Variants in NT5C2 observed in about 807,000 individuals in gnomAD.
The protein encoded by NT5C2 is cytosolic purine 5'-nucleotidase.
Under a neutral mutation model 76.1 loss-of-function variants are expected in NT5C2, and 58 were observed. That is an observed-to-expected ratio of 0.76 (90% CI 0.62 to 0.95). The LOEUF is 0.95. NT5C2 is among the 40% of genes least tolerant of loss of function. The pLI, the probability that NT5C2 is intolerant of heterozygous loss-of-function variation, is 0.00. For missense variants in NT5C2, 478 were observed against 690.3 expected (o/e 0.69, Z 3.45); for synonymous variants, 229 against 237.4 (o/e 0.96, Z 0.32).
chr10:103,127,889 G>T (rs1037693764), intron 4 of NT5C2, among the ~76,000 whole-genome samples: 1 of 151,660 alleles, frequency 6.6e-6, no homozygotes, highest in African/African-American at 2.4e-5. Flanking sequence ...TTTTGGTAGA[G>T]ATGGGGTTTT....
intron 2 of NT5C2, chr10:103,175,453 G>A (rs1290884575): frequency 6.2e-6 from 1 of 160,430 alleles, no homozygotes; most frequent in Non-Finnish European, 1.4e-5. Flanking sequence ...ATTCCCGTAA[G>A]ACGCCAGCCC....
chr10:103,158,340 T>C (rs530825049), intron 3 of NT5C2, among the ~76,000 whole-genome samples: 38 of 151,468 alleles, frequency 2.5e-4, no homozygotes, highest in African/African-American at 9.2e-4. Context: ...AAGAACAAAA[T>C]CAACCCAAAT....
In NT5C2 at chr10:103,105,727, T is replaced by C. The variant is rs1311918940; in HGVS notation, c.368A>G (p.His123Arg). ...TCACCCCCTTATAAAGTTAAATCCATGTGCACAGACCAAGAGGTTTCCATA... is the reference window on the plus strand; with the variant it reads ...TCACCCCCTTATAAAGTTAAATCCACGTGCACAGACCAAGAGGTTTCCATA... ...DAYGNLLVCA[H>R]GFNFIRGPET... The change falls in exon 6 of 19, where the codon CAT (histidine) becomes CGT (arginine). Residue 123 changes from histidine to arginine, a missense_variant. By Grantham distance (29) the His-to-Arg change is conservative. Coordinates refer to ENST00000404739, the MANE Select transcript of NT5C2 (RefSeq NM_001351169.2). 13 of 1,612,788 alleles carry C rather than the reference T, an allele frequency of 8.1e-6. No individual in the cohort carries two copies. In the East Asian group the frequency reaches 2.5e-4, roughly 30 times the overall value.
chr10:103,098,798 A>T (rs2068827160), intron 10 of NT5C2, 133 bp downstream of exon 10: 1 of 659,372 alleles, frequency 1.5e-6, no homozygotes, highest in Non-Finnish European at 2.6e-6. Context: ...ATTCTTGGTG[A>T]TTATACCCGA....
At chr10:103,123,006 C>T (rs2075977178) in intron 4 of NT5C2, among the ~76,000 whole-genome samples, 1 of 152,188 alleles carries the variant, frequency 6.6e-6, no homozygotes, top group Non-Finnish European at 1.5e-5. Context: ...GTATGCTTTT[C>T]TCTCACTAAT....
intron 4 of NT5C2, among the ~76,000 whole-genome samples, chr10:103,116,611 C>G (rs2074413765): frequency 7.4e-6 from 1 of 134,392 alleles, no homozygotes; most frequent in South Asian, 2.3e-4. Context: ...GCTCTGCCAT[C>G]CTGGCTGGAA....
rs377475357 is a variant in NT5C2, at chr10:103,094,754, C to T, written c.814-299G>A. Among the ~76,000 whole-genome samples, 9 of 151,904 alleles carry T rather than the reference C, an allele frequency of 5.9e-5. No individual in the cohort carries two copies. The South Asian group carries it at 1.7e-3, about 28-fold the overall frequency. ...AAAATTAGCCGGGCGTGGTGGCGGG[C>T]GCCTGTAGTCCCAGCTACTTGGGAG... On this transcript the variant is annotated intron_variant, in intron 12 of 18. Coordinates refer to ENST00000404739, the MANE Select transcript of NT5C2 (RefSeq NM_001351169.2).
intron 2 of NT5C2, among the ~76,000 whole-genome samples, chr10:103,180,267 G>A (rs536556862): frequency 5.3e-4 from 80 of 152,318 alleles, no homozygotes; most frequent in Middle Eastern, 6.8e-3. Context: ...TGTTGAGAAT[G>A]TAGAGCAACC....
At chr10:103,169,748 A>AGAG (rs1347960784) in intron 3 of NT5C2, among the ~76,000 whole-genome samples, 1 of 152,100 alleles carries the variant, frequency 6.6e-6, no homozygotes, top group Non-Finnish European at 1.5e-5. Flanking sequence ...TTGGAGGCCG[A>AGAG]GGCAGGAGGA....
At chr10:103,129,354 G>A (rs2077470206) in intron 4 of NT5C2, among the ~76,000 whole-genome samples, 3 of 118,776 alleles carry the variant, frequency 2.5e-5, no homozygotes, top group Admixed American at 7.7e-5. Context: ...AGGTGGGGGG[G>A]TCAGCTCTCC....
intron 3 of NT5C2, among the ~76,000 whole-genome samples, chr10:103,150,976 CT>C (rs1316518408): frequency 2.6e-5 from 4 of 152,184 alleles, no homozygotes; most frequent in Non-Finnish European, 5.9e-5. Context: ...TGAAGCCCAA[CT>C]TATCAGTTTT....
At chr10:103,124,399 A>G (rs1348077536) in intron 4 of NT5C2, among the ~76,000 whole-genome samples, 1 of 152,242 alleles carries the variant, frequency 6.6e-6, no homozygotes, top group Non-Finnish European at 1.5e-5. Context: ...AGAAAAGAGC[A>G]TTAAATATTC....
At chr10:103,090,452 C>G (rs1437388751) in intron 18 of NT5C2, among the ~76,000 whole-genome samples, 159 bp downstream of exon 18, 1 of 152,230 alleles carries the variant, frequency 6.6e-6, no homozygotes, top group Non-Finnish European at 1.5e-5. Flanking sequence ...GTTGGTTCTA[C>G]TTTCTCAAAG....
Position 103,188,712 on chromosome 10 carries a change from C to T in NT5C2, c.-169+4524G>A, listed in dbSNP as rs554790726. Among the ~76,000 whole-genome samples the T allele has an allele frequency of 1.1e-4, 16 of 152,166 alleles. No individual in the cohort carries two copies. The South Asian group carries it at 2.3e-3, about 22-fold the overall frequency. On this transcript the variant is annotated intron_variant, in intron 1 of 18. Transcript: ENST00000404739. ...AAATCAGAAAATTCTGTATAACATA[C>T]GAATTTGGGCTGGGCGCAGTGGCTT...
At position 103,095,982 on chromosome 10, in the gene NT5C2, T is replaced by C. The variant is rs1210940438; in HGVS notation, c.772-2A>G. ...GTCAAACAGGTAAGTCATAATTTTC[T>C]GGAAAAAAAAATTTAACATAAGGTC... On this transcript the variant is annotated splice_acceptor_variant, in intron 11 of 18. Transcript: ENST00000404739. LOFTEE classifies it high-confidence loss of function. 1 of 1,613,120 alleles carries C rather than the reference T, an allele frequency of 6.2e-7. No homozygotes were observed. Among genetic ancestry groups the C allele is most frequent in the South Asian group, 1.1e-5 (1 of 91,052 alleles).
chr10:103,104,386 A>G (rs1474004005), intron 6 of NT5C2, among the ~76,000 whole-genome samples: 4 of 152,210 alleles, frequency 2.6e-5, no homozygotes, highest in African/African-American at 9.6e-5. Flanking sequence ...CCCCTCCCTT[A>G]TAATACAAAA....
At chr10:103,170,564 C>A (rs1380028703) in intron 3 of NT5C2, among the ~76,000 whole-genome samples, 1 of 134,502 alleles carries the variant, frequency 7.4e-6, no homozygotes, top group African/African-American at 2.8e-5. Context: ...TGCTCTCATT[C>A]TGTCACCCAG....
intron 1 of NT5C2, among the ~76,000 whole-genome samples, chr10:103,188,967 G>A (rs902086284): frequency 6.6e-6 from 1 of 151,576 alleles, no homozygotes. Context: ...AGCTGAGATC[G>A]AGCCAGCCTG....
chr10:103,140,678 G>A (rs1456463383), intron 3 of NT5C2, among the ~76,000 whole-genome samples: 3 of 152,128 alleles, frequency 2.0e-5, no homozygotes, highest in Admixed American at 1.3e-4. Flanking sequence ...CCCTTTTCAT[G>A]CATCATTGCC....
Sources: allele counts gnomAD v4.1 joint callset (sites outside exome capture counted in the v4.1 genomes callset), GRCh38; gene constraint gnomAD v4.1.1; transcripts MANE v1.5; gene names NCBI Gene and HGNC (gene_info 2026-07-23, HGNC 2026-07-21).